Variants in MYH10 observed in about 807,000 individuals in gnomAD.
MYH10 encodes the protein myosin heavy chain 10.
Under a neutral mutation model 257.8 loss-of-function variants are expected in MYH10, and 55 were observed. That is an observed-to-expected ratio of 0.21 (90% CI 0.17 to 0.27). MYH10 has a LOEUF of 0.27. MYH10 is among the 10% of genes least tolerant of loss of function. The probability of loss-of-function intolerance (pLI) is 1.00; values close to 1 mark genes in which losing one functional copy is unlikely to be tolerated. For synonymous variants in MYH10, 854 were observed against 921.7 expected, an observed-to-expected ratio of 0.93 and a Z score of 1.33; for missense variants, 1,631 against 2,500.6, an observed-to-expected ratio of 0.65 and a Z score of 7.42.
intron 4 of MYH10, among the ~76,000 whole-genome samples, chr17:8,583,947 G>A (rs1282503378): frequency 6.6e-6 from 1 of 152,200 alleles, no homozygotes; most frequent in African/African-American, 2.4e-5. Flanking sequence ...GGGGGTTTAA[G>A]AGAACAGAGT....
intron 6 of MYH10, among the ~76,000 whole-genome samples, chr17:8,570,383 A>G (rs150674787): frequency 6.5e-4 from 99 of 152,336 alleles, no homozygotes; most frequent in African/African-American, 2.2e-3. Flanking sequence ...CTAAGTAGAG[A>G]GGATTCGGTA....
At chr17:8,508,815 A>G (rs9889907) in intron 25 of MYH10, 138 bp from the exon 26 acceptor site, 904,378 of 913,472 alleles carry the variant, frequency 0.99, 448,144 homozygotes, top group East Asian at 1. Flanking sequence ...ACTGTACACA[A>G]TCACATGCTG....
chr17:8,569,583 A>G lies in MYH10; in HGVS notation c.756+137T>C, dbSNP rs541598910. On this transcript the variant is annotated intron_variant, in intron 7 of 42. Transcript: ENST00000360416. The surrounding 1 kb of genome is among the most constrained non-coding windows in gnomAD (Gnocchi z 4.1). ...ACTAGAAAATTTAAAATTACATGTG[A>G]GCTTGTATTATGTCTACAGAACTAC... 10 of 533,946 alleles carry G rather than the reference A, an allele frequency of 1.9e-5. No homozygotes were observed. The East Asian group carries it at 2.6e-4, about 14-fold the overall frequency. 33.1% of individuals were successfully genotyped at this position (533,946 alleles called of 1,614,324 possible).
rs1352008582 is a variant in MYH10 at position 8,475,164 on chromosome 17, CCAT to C, written c.*637_*639del. The C allele has an allele frequency of 6.5e-6, 1 of 152,940 alleles. No individual in the cohort carries two copies. The highest frequency in any genetic ancestry group is 1.5e-5 in the Non-Finnish European group (1 of 68,640). 9.5% of individuals were successfully genotyped at this position (152,940 alleles called of 1,614,324 possible). A position where few individuals can be genotyped will look rare whatever the true frequency, so the allele number is the denominator to read the frequency against. On this transcript the variant is annotated 3_prime_UTR_variant, in exon 43 of 43. Transcript: ENST00000360416. The stretch of plus-strand genomic sequence containing the variant: ...AGTTCACATGAGTAGATGCGGGACA[CCAT>C]CGACTCGAGGGGCAGGGCCCCCCTT...
In MYH10 at chr17:8,513,616, A is replaced by G. The variant is rs1414550882; in HGVS notation, c.2667T>C (p.Asp889=). The G allele has an allele frequency of 1.2e-6, 2 of 1,613,400 alleles. No homozygotes were observed. The change falls in exon 23 of 43, where the codon GAT becomes GAC. Residue 889 remains aspartate, a synonymous_variant. Coordinates refer to ENST00000360416, the MANE Select transcript of MYH10 (RefSeq NM_001256012.3). ...TCTCCTTCACCTTCAACAGCTCTTCATCTTTGGCCTGAAGTTCTTCCTCCT... is the reference window on the plus strand; with the variant it reads ...TCTCCTTCACCTTCAACAGCTCTTCGTCTTTGGCCTGAAGTTCTTCCTCCT... ...TRQEEELQAK[D]EELLKVKEKQ... is the part of the protein sequence containing the mutation.
At chr17:8,624,883 G>A (rs190464099) in intron 1 of MYH10, among the ~76,000 whole-genome samples, 166 of 152,164 alleles carry the variant, frequency 1.1e-3, no homozygotes, top group Middle Eastern at 3.4e-3. Flanking sequence ...GCAAGATCCC[G>A]CCTCTACAGA....
At position 8,480,203 on chromosome 17, in the gene MYH10, A is replaced by G; in HGVS notation, c.5504T>C (p.Leu1835Pro). The G allele has an allele frequency of 1.2e-6, 2 of 1,614,050 alleles. No homozygotes were observed. Among genetic ancestry groups the G allele is most frequent in the Non-Finnish European group, 1.7e-6 (2 of 1,180,034 alleles). The change falls in exon 40 of 43, where the codon CTC becomes CCC. Residue 1835 changes from leucine (L) to proline (P), a missense_variant. Transcript: ENST00000360416. ...NKELKAKLQE[L>P]EGAVKSKFKA... ...GAACTTAGACTTGACAGCACCCTCGAGTTCCTGCAGCTTGGCCTTCAGCTC... is the reference window on the plus strand; with the variant it reads ...GAACTTAGACTTGACAGCACCCTCGGGTTCCTGCAGCTTGGCCTTCAGCTC...
chr17:8,611,650 C>G (rs761235714), intron 2 of MYH10, among the ~76,000 whole-genome samples: 13 of 152,276 alleles, frequency 8.5e-5, no homozygotes, highest in Non-Finnish European at 1.5e-4. Context: ...AAGCTAGATA[C>G]AGCTGAAGAA....
At chr17:8,510,574 G>C (rs2081236370) in intron 24 of MYH10, among the ~76,000 whole-genome samples, 1 of 152,030 alleles carries the variant, frequency 6.6e-6, no homozygotes, top group Non-Finnish European at 1.5e-5. Flanking sequence ...AAAAGGTCTT[G>C]GTAATTAAAT....
intron 14 of MYH10, among the ~76,000 whole-genome samples, chr17:8,539,060 C>T (rs1054801170): frequency 1.8e-4 from 27 of 152,012 alleles, no homozygotes; most frequent in African/African-American, 6.3e-4. Flanking sequence ...CTTATGAGCC[C>T]CCCCAACATG....
At position 8,552,298 on chromosome 17, in the gene MYH10, T is replaced by C. The variant is rs1041944700; in HGVS notation, c.821-154A>G. ...CAATGAACTATTCTAAATGACTGTC[T>C]TCCATCTGTGAAAAAAGAAAATAGG... is the stretch of plus-strand genomic sequence containing the variant. On this transcript the variant is annotated intron_variant, in intron 8 of 42. Transcript: ENST00000360416. This position sits in a 1 kb window ranked among gnomAD's most constrained non-coding sequence, Gnocchi z 4.8. 6.6e-6 allele frequency among the ~76,000 whole-genome samples: 1 copy of C among 152,178 alleles called. No homozygotes were observed. The highest frequency in any genetic ancestry group is 6.5e-5 in the Admixed American group (1 of 15,274).
chr17:8,522,841 C>T lies in MYH10; in HGVS notation c.1958-1556G>A, dbSNP rs557700818. 3.3e-5 allele frequency among the ~76,000 whole-genome samples: 5 copies of T among 152,264 alleles called. No homozygotes were observed. In the South Asian group the frequency reaches 1.0e-3, roughly 32 times the overall value. On this transcript the variant is annotated intron_variant, in intron 17 of 42. Transcript: ENST00000360416. ...CAATTGCTAAATGAATAGACACCAC[C>T]CAGTGCTTGTTTTTCTTGACCCTGG... is the stretch of plus-strand genomic sequence containing the variant.
chr17:8,548,268 A>C, intron 11 of MYH10, 45 bp downstream of exon 11: 5 of 1,481,772 alleles, frequency 3.4e-6, no homozygotes, highest in Non-Finnish European at 3.7e-6. Flanking sequence ...TAGAGAGCAC[A>C]ACAAGCCATC....
intron 7 of MYH10, among the ~76,000 whole-genome samples, chr17:8,562,612 G>A (rs542392236): frequency 6.6e-6 from 1 of 152,244 alleles, no homozygotes; most frequent in South Asian, 2.1e-4. Flanking sequence ...AACTTCACCA[G>A]TAAAAACAAA....
At chr17:8,497,194 G>A (rs564005260) in intron 30 of MYH10, among the ~76,000 whole-genome samples, 1 of 152,298 alleles carries the variant, frequency 6.6e-6, no homozygotes, top group African/African-American at 2.4e-5. Flanking sequence ...CCTCTGTGCT[G>A]AGTCCTAGAG....
chr17:8,596,460 G>A (rs765565540), intron 3 of MYH10, among the ~76,000 whole-genome samples: 8 of 152,036 alleles, frequency 5.3e-5, no homozygotes, highest in African/African-American at 7.2e-5. Flanking sequence ...CCCATTTTCT[G>A]ACTTTTTAAA....
chr17:8,508,000 C>G (rs1241421372), intron 26 of MYH10, among the ~76,000 whole-genome samples: 1 of 151,966 alleles, frequency 6.6e-6, no homozygotes, highest in Non-Finnish European at 1.5e-5. Context: ...AAAAGGAAAA[C>G]CATTTTATCA....
intron 1 of MYH10, among the ~76,000 whole-genome samples, chr17:8,628,950 T>C (rs2085785369): frequency 6.6e-6 from 1 of 152,180 alleles, no homozygotes; most frequent in South Asian, 2.1e-4. Context: ...GCTCGTGCTA[T>C]ATCGCACAAT....
At chr17:8,580,562 C>CAATG (rs2083667421) in intron 4 of MYH10, among the ~76,000 whole-genome samples, 1 of 152,162 alleles carries the variant, frequency 6.6e-6, no homozygotes, top group Non-Finnish European at 1.5e-5. Flanking sequence ...ACTGCTGAGT[C>CAATG]AATGAATGAA....
Sources: gnomAD v4.1 joint callset for allele counts (sites outside exome capture counted in the v4.1 genomes callset) on GRCh38, gnomAD v4.1.1 for gene constraint, Gnocchi (gnomAD v3.1) non-coding constraint, MANE v1.5 for transcripts, NCBI Gene and HGNC (gene_info 2026-07-23, HGNC 2026-07-21) for gene names.